The following DGKG variants were observed in gnomAD, a reference collection of about 807,000 sequenced individuals.
DGKG encodes DAG kinase gamma.
DGKG carries 78 observed loss-of-function variants against 105.3 expected under a neutral mutation model. The observed-to-expected ratio is 0.74, with a 90% CI of 0.62 to 0.89. The LOEUF is 0.89. Among genes scored for constraint, DGKG ranks in the 40% least tolerant of loss-of-function variants. The pLI is 0.00. For missense variants in DGKG, 958 were observed against 1,020.1 expected (o/e 0.94, Z 0.83); for synonymous variants, 346 against 367.1 (o/e 0.94, Z 0.66).
Position 186,288,797 on chromosome 3 carries a change from T to C in DGKG, c.457A>G (p.Ser153Gly), listed in dbSNP as rs756473033. 1.2e-6 allele frequency: 2 copies of C among 1,613,424 alleles called. No individual in the cohort carries two copies. The highest frequency in any genetic ancestry group is 1.7e-6 in the Non-Finnish European group (2 of 1,179,666). The change falls in exon 6 of 25, where the codon AGC (serine) becomes GGC (glycine). Residue 153 changes from serine (S) to glycine (G), a missense_variant. This residue lies in a region of DGKG where 643 missense variants were observed against 619.5 expected (regional missense o/e 1.04). Coordinates refer to ENST00000265022, the MANE Select transcript of DGKG (RefSeq NM_001346.3). ...PLEPPVPRSS[S>G]SESPVVYLKD... ...AGGTATACCACTGGGGATTCCGAGCTTGAAGACCGAGGGACGGGGGGTTCC... is the reference window on the plus strand; with the variant it reads ...AGGTATACCACTGGGGATTCCGAGCCTGAAGACCGAGGGACGGGGGGTTCC...
rs576657295 is a variant in DGKG at position 186,311,314 on chromosome 3, A to G, written c.68-4337T>C. Among the ~76,000 whole-genome samples, 8 of 152,044 alleles carry G rather than the reference A, an allele frequency of 5.3e-5. No homozygotes were observed. The South Asian group carries it at 1.0e-3, about 20-fold the overall frequency. On this transcript the variant is annotated intron_variant, in intron 2 of 24. Coordinates refer to ENST00000265022, the MANE Select transcript of DGKG (RefSeq NM_001346.3). Reference sequence around the variant, plus strand: ...GAACTTGAATACTTATTGCCAAGGGAAAAAAAAGCTTATAACTTCTAAATT... The same window carrying G: ...GAACTTGAATACTTATTGCCAAGGGGAAAAAAAGCTTATAACTTCTAAATT...
chr3:186,353,717 C>G (rs1726768162), intron 1 of DGKG, among the ~76,000 whole-genome samples: 1 of 122,198 alleles, frequency 8.2e-6, no homozygotes, highest in African/African-American at 2.7e-5. Context: ...ACAGTGGACT[C>G]TGTTCCACTC....
At chr3:186,273,285 A>T (rs1722407990) in intron 10 of DGKG, among the ~76,000 whole-genome samples, 1 of 151,484 alleles carries the variant, frequency 6.6e-6, no homozygotes, top group South Asian at 2.1e-4. Flanking sequence ...CCACGGGCCT[A>T]GAACTTAATG....
At chr3:186,303,038 C>T (rs1166607311) in intron 3 of DGKG, among the ~76,000 whole-genome samples, 4 of 152,130 alleles carry the variant, frequency 2.6e-5, no homozygotes, top group Non-Finnish European at 5.9e-5. Flanking sequence ...GCCAGACCTC[C>T]TGACTCCCTG....
chr3:186,261,633 C>G (rs1225220899), intron 15 of DGKG, 66 bp downstream of exon 15: 11 of 1,161,472 alleles, frequency 9.5e-6, no homozygotes, highest in Non-Finnish European at 1.4e-5. Context: ...GTGTTCCTGC[C>G]AAGGGGAGGA....
intron 1 of DGKG, among the ~76,000 whole-genome samples, chr3:186,335,641 A>G (rs149414541): frequency 6.6e-6 from 1 of 152,238 alleles, no homozygotes; most frequent in Non-Finnish European, 1.5e-5. Context: ...GGAAGGAAAC[A>G]GAAACTGTCC....
chr3:186,242,650 T>A, intron 19 of DGKG, 82 bp from the exon 20 acceptor site: 1 of 1,223,744 alleles, frequency 8.2e-7, no homozygotes, highest in Non-Finnish European at 1.2e-6. Flanking sequence ...ACGCATGCAC[T>A]CGCTGAGTCA....
intron 1 of DGKG, among the ~76,000 whole-genome samples, chr3:186,360,070 G>A (rs1195636064): frequency 1.3e-5 from 2 of 151,982 alleles, no homozygotes; most frequent in Admixed American, 1.3e-4. Context: ...TTCTTTCCTC[G>A]CAGAGGCTCA....
At position 186,272,243 on chromosome 3, in the gene DGKG, G is replaced by A; in HGVS notation, c.999+12C>T. On this transcript the variant is annotated intron_variant, in intron 11 of 24. Coordinates refer to ENST00000265022, the MANE Select transcript of DGKG (RefSeq NM_001346.3). ...AGGCATGCAGTAGAACAAGGCAGTAGATGTCACCAACCTCACCACTCCTTT... is the reference window on the plus strand; with the variant it reads ...AGGCATGCAGTAGAACAAGGCAGTAAATGTCACCAACCTCACCACTCCTTT... 2 of 1,603,944 alleles carry A rather than the reference G, an allele frequency of 1.2e-6. No individual in the cohort carries two copies. Among genetic ancestry groups the A allele is most frequent in the Non-Finnish European group, 1.7e-6 (2 of 1,170,788 alleles).
At chr3:186,352,077 C>T (rs1289234863) in intron 1 of DGKG, among the ~76,000 whole-genome samples, 2 of 152,114 alleles carry the variant, frequency 1.3e-5, no homozygotes, top group Admixed American at 6.5e-5. Flanking sequence ...TTTTTCAAGG[C>T]CCCTCCCCAC....
At chr3:186,346,682 T>TATACTATA (rs376095096) in intron 1 of DGKG, among the ~76,000 whole-genome samples, 7 of 152,182 alleles carry the variant, frequency 4.6e-5, no homozygotes, top group African/African-American at 7.2e-5. Context: ...TATACTATAC[T>TATACTATA]CAGTTTTATT....
intron 11 of DGKG, among the ~76,000 whole-genome samples, chr3:186,269,792 C>T (rs77399645): frequency 0.013 from 1,985 of 152,280 alleles, 21 homozygotes; most frequent in Non-Finnish European, 0.023. Context: ...GTATCTGCTC[C>T]GTGACCAGGA....
intron 22 of DGKG, among the ~76,000 whole-genome samples, chr3:186,165,876 T>G (rs181270331): frequency 5.9e-5 from 9 of 152,314 alleles, no homozygotes; most frequent in African/African-American, 2.2e-4. Flanking sequence ...AGAAGCAAAA[T>G]AAAACGGCAG....
intron 2 of DGKG, among the ~76,000 whole-genome samples, chr3:186,309,973 G>GA (rs369359210): frequency 0.075 from 11,092 of 147,834 alleles, 1,300 homozygotes; most frequent in African/African-American, 0.25. Context: ...AAATTAAATG[G>GA]AAAAAAAAAA....
At chr3:186,235,037 G>A (rs1209577498) in intron 20 of DGKG, among the ~76,000 whole-genome samples, 1 of 152,038 alleles carries the variant, frequency 6.6e-6, no homozygotes, top group African/African-American at 2.4e-5. Context: ...TTGAGCACCT[G>A]ATGAAAAAAA....
Position 186,261,869 on chromosome 3 carries a change from A to T in DGKG, c.1270-91T>A, listed in dbSNP as rs924195758. ...GAAGCCAAGACAGCTTCGGAGAGGCAGATGAGAAGCAGGAGGGCAGGCAGT... is the reference window on the plus strand; with the variant it reads ...GAAGCCAAGACAGCTTCGGAGAGGCTGATGAGAAGCAGGAGGGCAGGCAGT... On this transcript the variant is annotated intron_variant, in intron 14 of 24. Coordinates refer to ENST00000265022, the MANE Select transcript of DGKG (RefSeq NM_001346.3). 6 of 809,346 alleles carry T rather than the reference A, an allele frequency of 7.4e-6. No individual in the cohort carries two copies. The African/African-American group carries it at 1.0e-4, about 14-fold the overall frequency. The allele number at this position is 809,346 out of a possible 1,614,324, so 50.1% of individuals were successfully genotyped here. A position where few individuals can be genotyped will look rare whatever the true frequency, so the allele number is the denominator to read the frequency against.
intron 17 of DGKG, among the ~76,000 whole-genome samples, chr3:186,254,812 T>A (rs959024373): frequency 2.0e-4 from 31 of 152,200 alleles, no homozygotes; most frequent in Middle Eastern, 3.4e-3. Flanking sequence ...TGAACCACAG[T>A]CCCTCGCACT....
chr3:186,253,696 C>T (rs1205959796), intron 17 of DGKG, among the ~76,000 whole-genome samples: 2 of 152,176 alleles, frequency 1.3e-5, no homozygotes, highest in African/African-American at 2.4e-5. Flanking sequence ...ACTTGAATGG[C>T]AGACAGGGAA....
At chr3:186,338,337 G>A (rs1725929893) in intron 1 of DGKG, among the ~76,000 whole-genome samples, 1 of 152,102 alleles carries the variant, frequency 6.6e-6, no homozygotes, top group South Asian at 2.1e-4. Context: ...TTCACGGATA[G>A]GAAGGCTTAC....
Sources: allele counts gnomAD v4.1 joint callset (sites outside exome capture counted in the v4.1 genomes callset), GRCh38; gene constraint gnomAD v4.1.1; regional missense constraint gnomAD v4.1.1; transcripts MANE v1.5; gene names NCBI Gene and HGNC (gene_info 2026-07-23, HGNC 2026-07-21).